Variants in FOXO3 observed in about 807,000 individuals in gnomAD.
The protein encoded by FOXO3 is forkhead box O3, also known as forkhead box protein O3.
A neutral mutation model predicts 41.9 loss-of-function variants in FOXO3; 4 were observed. That is an observed-to-expected ratio of 0.10 (90% CI 0.05 to 0.22). FOXO3 has a LOEUF of 0.22. Ranked by LOEUF, FOXO3 falls within the 10% of genes least tolerant of loss-of-function variation. The pLI, the probability that FOXO3 is intolerant of heterozygous loss-of-function variation, is 1.00. For synonymous variants in FOXO3, 318 were observed against 389.3 expected (o/e 0.82, Z 2.16); for missense variants, 534 against 906.8 (o/e 0.59, Z 5.28).
chr6:108,656,392 C>A, intron 1 of FOXO3: 1 of 985,224 alleles, frequency 1.0e-6, no homozygotes, highest in Non-Finnish European at 1.2e-6. Flanking sequence ...AGGGCTGAAG[C>A]GGACGTAGGG....
chr6:108,648,999 C>T (rs1301204322), intron 1 of FOXO3, among the ~76,000 whole-genome samples: 1 of 109,848 alleles, frequency 9.1e-6, no homozygotes, highest in African/African-American at 3.4e-5. Context: ...AGAGTGGGAA[C>T]CTATCTCTTA....
intron 1 of FOXO3, among the ~76,000 whole-genome samples, chr6:108,596,792 A>G (rs959159204): frequency 1.3e-5 from 2 of 152,226 alleles, no homozygotes; most frequent in African/African-American, 2.4e-5. Context: ...GATGCGTACC[A>G]GCAGACTGAA....
At chr6:108,625,308 CTTTA>C (rs1777782048) in intron 1 of FOXO3, among the ~76,000 whole-genome samples, 1 of 151,950 alleles carries the variant, frequency 6.6e-6, no homozygotes. Flanking sequence ...TTTGTGTTTG[CTTTA>C]TTTAACCTTA....
At position 108,560,924 on chromosome 6, in the gene FOXO3, G is replaced by A; in HGVS notation, c.-285G>A. 1 of 1,271,120 alleles carries A rather than the reference G, an allele frequency of 7.9e-7. No individual in the cohort carries two copies. The allele number at this position is 1,271,120 out of a possible 1,614,324, so 78.7% of individuals were successfully genotyped here. A position where few individuals can be genotyped will look rare whatever the true frequency, so the allele number is the denominator to read the frequency against. On this transcript the variant is annotated 5_prime_UTR_variant, in exon 1 of 3. Coordinates refer to ENST00000406360, the MANE Select transcript of FOXO3 (RefSeq NM_001455.4). ...GCGGCCTGGCCGGGGGGCGGTGTCT[G>A]CTGCGCCAGGTTCGCTGGCCGCACG...
intron 1 of FOXO3, among the ~76,000 whole-genome samples, chr6:108,567,251 T>C (rs1160291430): frequency 6.6e-6 from 1 of 152,206 alleles, no homozygotes; most frequent in East Asian, 1.9e-4. Context: ...TTTAACTCTC[T>C]GCAGATCATT....
chr6:108,671,327 C>T (rs541289004), intron 2 of FOXO3, among the ~76,000 whole-genome samples: 6 of 152,310 alleles, frequency 3.9e-5, no homozygotes, highest in South Asian at 2.1e-4. Context: ...GGACATGAGC[C>T]GCCCACTTCA....
intron 2 of FOXO3, among the ~76,000 whole-genome samples, chr6:108,674,731 G>A (rs1212003488): frequency 6.6e-6 from 1 of 152,138 alleles, no homozygotes; most frequent in Non-Finnish European, 1.5e-5. Context: ...GTTCCCAGAA[G>A]CAGTAGTGGG....
chr6:108,560,320 G>A (rs1775736042), upstream of FOXO3, among the ~76,000 whole-genome samples: 1 of 152,180 alleles, frequency 6.6e-6, no homozygotes, highest in Admixed American at 6.5e-5. Context: ...CTGGGAAGGG[G>A]GCGGAGGGGA....
intron 1 of FOXO3, among the ~76,000 whole-genome samples, chr6:108,632,044 A>C (rs1777989045): frequency 1.3e-5 from 2 of 152,100 alleles, no homozygotes; most frequent in African/African-American, 4.8e-5. Flanking sequence ...CTGAAACTGG[A>C]AATTAACTCT....
At chr6:108,635,301 A>AAT (rs1562252301) in intron 1 of FOXO3, among the ~76,000 whole-genome samples, 124 of 152,080 alleles carry the variant, frequency 8.2e-4, no homozygotes, top group African/African-American at 2.5e-3. Context: ...TCTCAAAAAA[A>AAT]AATAATAATA....
chr6:108,560,981 C>A lies in FOXO3; in HGVS notation c.-228C>A. Reference sequence around the variant, plus strand: ...GGTCCTCCTGTTCCTGGGAGGCGGGCGCGGCAGGACTGGGAGGTGGCGGCA... The same window carrying A: ...GGTCCTCCTGTTCCTGGGAGGCGGGAGCGGCAGGACTGGGAGGTGGCGGCA... On this transcript the variant is annotated 5_prime_UTR_variant, in exon 1 of 3. Coordinates refer to ENST00000406360, the MANE Select transcript of FOXO3 (RefSeq NM_001455.4). 6.0e-6 allele frequency: 8 copies of A among 1,340,062 alleles called. No homozygotes were observed. The highest frequency in any genetic ancestry group is 7.6e-6 in the Non-Finnish European group (8 of 1,055,394). 83.0% of individuals were successfully genotyped at this position (1,340,062 alleles called of 1,614,324 possible).
intron 1 of FOXO3, among the ~76,000 whole-genome samples, chr6:108,606,988 T>G (rs1489967827): frequency 6.6e-6 from 1 of 152,218 alleles, no homozygotes; most frequent in Non-Finnish European, 1.5e-5. Context: ...AAATGAACCC[T>G]TGGGATATTA....
chr6:108,579,699 A>G (rs549293044), intron 1 of FOXO3, among the ~76,000 whole-genome samples: 8 of 152,184 alleles, frequency 5.3e-5, no homozygotes, highest in African/African-American at 1.9e-4. Context: ...GGGTATCTTG[A>G]AAGGATCTGG....
intron 2 of FOXO3, among the ~76,000 whole-genome samples, 164 bp downstream of exon 2, chr6:108,665,053 C>G (rs1197803771): frequency 6.6e-6 from 1 of 152,218 alleles, no homozygotes; most frequent in African/African-American, 2.4e-5. Flanking sequence ...AGGGTTTTAC[C>G]TGCAAACCAA....
At chr6:108,679,543 C>G (rs377689671) in intron 2 of FOXO3, among the ~76,000 whole-genome samples, 14 of 152,112 alleles carry the variant, frequency 9.2e-5, no homozygotes, top group African/African-American at 3.4e-4. Flanking sequence ...CCTAATATGG[C>G]TTTCTTTATC....
intron 1 of FOXO3, among the ~76,000 whole-genome samples, chr6:108,639,805 G>A (rs574829431): frequency 6.6e-6 from 1 of 152,246 alleles, no homozygotes; most frequent in South Asian, 2.1e-4. Flanking sequence ...GGTTTCGGCT[G>A]GTCCTATAGC....
At chr6:108,654,263 A>G (rs990204503) in intron 1 of FOXO3, among the ~76,000 whole-genome samples, 9 of 152,182 alleles carry the variant, frequency 5.9e-5, no homozygotes, top group Non-Finnish European at 1.3e-4. Context: ...CAAGAGCACA[A>G]ACAGCTGTGG....
intron 1 of FOXO3, among the ~76,000 whole-genome samples, chr6:108,627,093 G>A (rs1436470332): frequency 6.6e-6 from 1 of 152,240 alleles, no homozygotes; most frequent in African/African-American, 2.4e-5. Flanking sequence ...ATTTGGCAGC[G>A]CAGCTGCTGT....
At chr6:108,660,348 G>A (rs971436131) in intron 1 of FOXO3, among the ~76,000 whole-genome samples, 4 of 152,094 alleles carry the variant, frequency 2.6e-5, no homozygotes, top group African/African-American at 9.7e-5. Flanking sequence ...TTTAAAAACC[G>A]TAAAAGGAAT....
Sources: gnomAD v4.1 joint callset for allele counts (sites outside exome capture counted in the v4.1 genomes callset) on GRCh38, gnomAD v4.1.1 for gene constraint, MANE v1.5 for transcripts, NCBI Gene and HGNC (gene_info 2026-07-23, HGNC 2026-07-21) for gene names.